Variants in NLRC4 observed in about 807,000 individuals in gnomAD.
NLRC4 encodes NLR family CARD domain containing 4.
A neutral mutation model predicts 79.9 loss-of-function variants in NLRC4; 63 were observed. The observed-to-expected ratio is 0.79, with a 90% CI of 0.64 to 0.97. NLRC4 has a LOEUF of 0.97. Among genes scored for constraint, NLRC4 ranks in the 50% least tolerant of loss-of-function variants. The probability of loss-of-function intolerance (pLI) is 0.00; values close to 1 mark genes in which losing one functional copy is unlikely to be tolerated. For synonymous variants in NLRC4, 461 were observed against 456.5 expected, an observed-to-expected ratio of 1.01 and a Z score of -0.12; for missense variants, 1,074 against 1,215.2, an observed-to-expected ratio of 0.88 and a Z score of 1.73.
chr2:32,225,650 AG>A (rs1177226235), intron 8 of NLRC4, among the ~76,000 whole-genome samples: 1 of 152,222 alleles, frequency 6.6e-6, no homozygotes, highest in Non-Finnish European at 1.5e-5. Context: ...GCAAAGCGTT[AG>A]CCCTACCCAC....
chr2:32,249,943 C>G lies in NLRC4; in HGVS notation c.1921G>C (p.Glu641Gln). 1.2e-6 allele frequency: 2 copies of G among 1,614,198 alleles called. No homozygotes were observed. Among genetic ancestry groups the G allele is most frequent in the Non-Finnish European group, 1.7e-6 (2 of 1,180,044 alleles). ...TGGIHMEEAP[E>Q]TYIPSRAVSL... ...ACAGCCCTGCTGGGAATGTAGGTTTCTGGGGCCTCTTCCATGTGGATTCCA... is the reference window on the plus strand; with the variant it reads ...ACAGCCCTGCTGGGAATGTAGGTTTGTGGGGCCTCTTCCATGTGGATTCCA... Residue 641 changes from glutamate to glutamine, a missense_variant, in exon 4 of 9, where the codon GAA becomes CAA. Glu to Gln is a conservative substitution (Grantham distance 29, BLOSUM62 2). Coordinates refer to ENST00000402280, the MANE Select transcript of NLRC4 (RefSeq NM_001199138.2).
At chr2:32,261,316 C>CCCTTTTTTTTTTTTTTTTTTTTTTTCTT in intron 1 of NLRC4, among the ~76,000 whole-genome samples, 1 of 96,884 alleles carries the variant, frequency 1.0e-5, no homozygotes, top group Non-Finnish European at 2.1e-5. Context: ...AGCCTCCCCC[C>CCCTTTTTTTTTTTTTTTTTTTTTTTCTT]TTTTGTTTTT....
intron 1 of NLRC4, among the ~76,000 whole-genome samples, chr2:32,264,290 G>A (rs925703169): frequency 1.3e-5 from 2 of 151,828 alleles, no homozygotes; most frequent in Non-Finnish European, 2.9e-5. Context: ...AAAATTAGCT[G>A]GGGCGCGGTG....
intron 4 of NLRC4, among the ~76,000 whole-genome samples, chr2:32,246,447 A>T (rs913843848): frequency 2.0e-5 from 3 of 152,218 alleles, no homozygotes; most frequent in Non-Finnish European, 4.4e-5. Flanking sequence ...AAAATTCTAG[A>T]ATCTTAAAAT....
intron 4 of NLRC4, among the ~76,000 whole-genome samples, chr2:32,241,465 C>G (rs1395082281): frequency 6.7e-6 from 1 of 149,164 alleles, no homozygotes; most frequent in Non-Finnish European, 1.5e-5. Context: ...CCAGCTCCAC[C>G]TCCCGGGTTC....
chr2:32,225,952 A>G (rs1245591097), intron 8 of NLRC4, among the ~76,000 whole-genome samples: 1 of 152,196 alleles, frequency 6.6e-6, no homozygotes, highest in Non-Finnish European at 1.5e-5. Flanking sequence ...CCTTATGGAA[A>G]TGAAGGTCCA....
intron 8 of NLRC4, among the ~76,000 whole-genome samples, 193 bp downstream of exon 8, chr2:32,235,208 A>G (rs1196369786): frequency 5.9e-5 from 9 of 152,218 alleles, no homozygotes; most frequent in Admixed American, 5.9e-4. Flanking sequence ...TCTGTAGGTA[A>G]AGGAAATAGA....
intron 1 of NLRC4, among the ~76,000 whole-genome samples, chr2:32,260,705 C>A (rs945091383): frequency 1.3e-5 from 2 of 152,148 alleles, no homozygotes; most frequent in African/African-American, 4.8e-5. Context: ...TCCATCTTCC[C>A]TTTTCTTTTT....
At chr2:32,234,836 A>AGATAATGG (rs1686634239) in intron 8 of NLRC4, among the ~76,000 whole-genome samples, 1 of 152,252 alleles carries the variant, frequency 6.6e-6, no homozygotes, top group African/African-American at 2.4e-5. Context: ...AGAAACTGTG[A>AGATAATGG]GATAATGGTT....
chr2:32,247,305 AT>A (rs547856134), intron 4 of NLRC4, among the ~76,000 whole-genome samples: 5 of 146,630 alleles, frequency 3.4e-5, no homozygotes, highest in Non-Finnish European at 4.5e-5. Context: ...GTATATATTT[AT>A]TTTTTTTAAT....
intron 1 of NLRC4, among the ~76,000 whole-genome samples, 183 bp downstream of exon 1, chr2:32,264,555 A>G (rs1188453595): frequency 2.6e-5 from 4 of 151,744 alleles, no homozygotes. Context: ...ATGAAGCCCC[A>G]GCAGACCCGA....
At chr2:32,253,519 G>A (rs557324351) in intron 2 of NLRC4, among the ~76,000 whole-genome samples, 8 of 152,306 alleles carry the variant, frequency 5.3e-5, no homozygotes, top group African/African-American at 1.9e-4. Context: ...AGTAAGGTGA[G>A]TTATCTTGTC....
At chr2:32,232,282 G>C (rs1020976027) in intron 8 of NLRC4, among the ~76,000 whole-genome samples, 4 of 152,176 alleles carry the variant, frequency 2.6e-5, no homozygotes, top group African/African-American at 9.6e-5. Context: ...GATATACAGC[G>C]TTTTCTTACC....
intron 3 of NLRC4, 78 bp from the exon 4 acceptor site, chr2:32,251,679 G>T (rs1687082411): frequency 4.1e-6 from 4 of 967,610 alleles, no homozygotes; most frequent in Non-Finnish European, 6.3e-6. Flanking sequence ...GGATGAACGG[G>T]GGGGTGAGGC....
rs1686325161 is a variant in NLRC4, at chr2:32,224,670, C to T, written c.2878G>A (p.Val960Ile). ...ACTAATTGCTTAAGATTCTCAAATACACCCATGAAGGCAAGCCATCCATCA... is the reference window on the plus strand; with the variant it reads ...ACTAATTGCTTAAGATTCTCAAATATACCCATGAAGGCAAGCCATCCATCA... ...SSDGWLAFMGVFENLKQLVFF... is the reference protein window; with the variant it reads ...SSDGWLAFMGIFENLKQLVFF... Residue 960 changes from valine (V) to isoleucine (I), a missense_variant, in exon 9 of 9, where the codon GTA becomes ATA. Physicochemically the swap from Val to Ile is conservative, Grantham distance 29 (BLOSUM62 3). Transcript: ENST00000402280. The T allele has an allele frequency of 2.5e-6, 4 of 1,613,020 alleles. No individual in the cohort carries two copies. In the East Asian group the frequency reaches 8.9e-5, roughly 36 times the overall value.
intron 4 of NLRC4, among the ~76,000 whole-genome samples, chr2:32,245,360 G>T (rs1686911047): frequency 6.7e-6 from 1 of 148,508 alleles, no homozygotes; most frequent in Admixed American, 6.7e-5. Context: ...ATTATGGTAA[G>T]TGAAATAAGC....
At chr2:32,242,326 G>T (rs527866588) in intron 4 of NLRC4, among the ~76,000 whole-genome samples, 22 of 152,020 alleles carry the variant, frequency 1.4e-4, no homozygotes, top group Non-Finnish European at 2.9e-4. Context: ...CAAAAAAGGG[G>T]ATATCACTAC....
intron 6 of NLRC4, 50 bp from the exon 7 acceptor site, chr2:32,236,389 A>G (rs1330486035): frequency 8.5e-7 from 1 of 1,177,786 alleles, no homozygotes. Context: ...GTAAATATAA[A>G]TGTATTTTGA....
intron 4 of NLRC4, among the ~76,000 whole-genome samples, chr2:32,243,161 A>G (rs1475838016): frequency 6.6e-6 from 1 of 152,128 alleles, no homozygotes; most frequent in Admixed American, 6.5e-5. Context: ...CTGTAATCCC[A>G]GCACTTTGGG....
Sources: gnomAD v4.1 joint callset for allele counts (sites outside exome capture counted in the v4.1 genomes callset) on GRCh38, gnomAD v4.1.1 for gene constraint, MANE v1.5 for transcripts, NCBI Gene and HGNC (gene_info 2026-07-23, HGNC 2026-07-21) for gene names.